LRMDA: variants seen among roughly 807,000 people sequenced by gnomAD.
LRMDA encodes leucine-rich melanocyte differentiation-associated protein.
LRMDA carries 18 observed loss-of-function variants against 29.8 expected under a neutral mutation model. The observed-to-expected ratio is 0.60, with a 90% CI of 0.42 to 0.90. The LOEUF is 0.90. LRMDA is among the 40% of genes least tolerant of loss of function. LRMDA has a pLI of 0.00. For synonymous variants in LRMDA, 125 were observed against 109.4 expected (o/e 1.14, Z -0.89); for missense variants, 273 against 273.9 (o/e 1.00, Z 0.02).
At chr10:75,642,236 G>A (rs562149485) in intron 2 of LRMDA, among the ~76,000 whole-genome samples, 2 of 152,304 alleles carry the variant, frequency 1.3e-5, no homozygotes, top group African/African-American at 2.4e-5. Context: ...TCATCTGTTT[G>A]AGCCTCAGTC....
At chr10:76,235,726 G>A (rs1392196225) in intron 5 of LRMDA, among the ~76,000 whole-genome samples, 1 of 152,184 alleles carries the variant, frequency 6.6e-6, no homozygotes, top group Non-Finnish European at 1.5e-5. Context: ...GGCTGGCAGG[G>A]ACATGAGTTT....
chr10:75,454,442 C>T (rs1844492528), intron 2 of LRMDA, among the ~76,000 whole-genome samples: 1 of 152,136 alleles, frequency 6.6e-6, no homozygotes, highest in South Asian at 2.1e-4. Flanking sequence ...TCCAAGTACT[C>T]AGCATGCCAA....
At chr10:75,931,983 TCAA>T (rs1174025198) in intron 2 of LRMDA, among the ~76,000 whole-genome samples, 3 of 152,208 alleles carry the variant, frequency 2.0e-5, no homozygotes, top group Non-Finnish European at 4.4e-5. Flanking sequence ...AGTGCCCAGC[TCAA>T]CAACAGAACC....
Position 75,826,107 on chromosome 10 carries a change from C to A in LRMDA, c.132-209901C>A, listed in dbSNP as rs375426379. On this transcript the variant is annotated intron_variant, in intron 2 of 6. Transcript: ENST00000611255. Reference sequence around the variant, plus strand: ...TTCTTATAACATAGGTGGAATTTGACCTCCTCAAAAATTATTAAGGGGTGA... The same window carrying A: ...TTCTTATAACATAGGTGGAATTTGAACTCCTCAAAAATTATTAAGGGGTGA... Among the ~76,000 whole-genome samples, 18 of 152,218 alleles carry A rather than the reference C, an allele frequency of 1.2e-4. No homozygotes were observed. The East Asian group carries it at 2.3e-3, about 20-fold the overall frequency.
At chr10:75,931,342 T>C (rs773709083) in intron 2 of LRMDA, among the ~76,000 whole-genome samples, 1 of 152,180 alleles carries the variant, frequency 6.6e-6, no homozygotes, top group Middle Eastern at 3.2e-3. Flanking sequence ...TGCCTGAACA[T>C]ATAAATAACT....
At chr10:76,398,525 A>G (rs967897405) in intron 6 of LRMDA, among the ~76,000 whole-genome samples, 1 of 152,232 alleles carries the variant, frequency 6.6e-6, no homozygotes, top group African/African-American at 2.4e-5. Context: ...TTTTTTGCTC[A>G]TACCAAAGTC....
chr10:76,175,434 C>T (rs1850916435), intron 5 of LRMDA, among the ~76,000 whole-genome samples: 1 of 152,196 alleles, frequency 6.6e-6, no homozygotes, highest in Non-Finnish European at 1.5e-5. Flanking sequence ...TGATGCCTGG[C>T]CCACTTTCAA....
At chr10:75,876,002 G>A (rs961081352) in intron 2 of LRMDA, among the ~76,000 whole-genome samples, 1 of 152,156 alleles carries the variant, frequency 6.6e-6, no homozygotes, top group African/African-American at 2.4e-5. Flanking sequence ...GGAGAGCAGT[G>A]ATTGGATCCT....
chr10:76,019,907 C>A (rs750102114), intron 2 of LRMDA, among the ~76,000 whole-genome samples: 1 of 152,138 alleles, frequency 6.6e-6, no homozygotes, highest in Non-Finnish European at 1.5e-5. Context: ...TGGGCCTGGG[C>A]TTCTGAATTT....
chr10:75,554,391 G>A (rs1001640245), intron 2 of LRMDA, among the ~76,000 whole-genome samples: 3 of 152,210 alleles, frequency 2.0e-5, no homozygotes, highest in African/African-American at 4.8e-5. Flanking sequence ...GGAACATGGT[G>A]TATGATAGTC....
intron 6 of LRMDA, among the ~76,000 whole-genome samples, chr10:76,333,348 G>C (rs544208166): frequency 6.6e-6 from 1 of 152,298 alleles, no homozygotes; most frequent in East Asian, 1.9e-4. Flanking sequence ...CTGGATTCAA[G>C]GAGGCCATGG....
At chr10:76,361,371 C>A (rs1238577840) in intron 6 of LRMDA, among the ~76,000 whole-genome samples, 1 of 152,034 alleles carries the variant, frequency 6.6e-6, no homozygotes. Flanking sequence ...ACAATGGTGA[C>A]CCCAGGACTC....
At chr10:76,287,455 G>C (rs2132342614) in intron 5 of LRMDA, among the ~76,000 whole-genome samples, 1 of 152,066 alleles carries the variant, frequency 6.6e-6, no homozygotes, top group South Asian at 2.1e-4. Flanking sequence ...ATTCATTATT[G>C]GTTTATTTTT....
At chr10:76,359,055 C>T (rs761847409) in intron 6 of LRMDA, among the ~76,000 whole-genome samples, 6 of 152,114 alleles carry the variant, frequency 3.9e-5, no homozygotes, top group Non-Finnish European at 8.8e-5. Flanking sequence ...CCAGCCCATC[C>T]ACTAGGGCTC....
At chr10:76,159,342 G>A (rs1222293516) in intron 5 of LRMDA, among the ~76,000 whole-genome samples, 1 of 152,142 alleles carries the variant, frequency 6.6e-6, no homozygotes, top group African/African-American at 2.4e-5. Context: ...ATACCACTGT[G>A]CACCTATTAG....
intron 6 of LRMDA, among the ~76,000 whole-genome samples, chr10:76,494,748 A>C (rs1199686588): frequency 1.3e-5 from 2 of 151,752 alleles, no homozygotes; most frequent in East Asian, 3.9e-4. Flanking sequence ...TAATGGTAAA[A>C]ATTTTGCTCT....
chr10:76,471,191 C>A (rs1842614110), intron 6 of LRMDA, among the ~76,000 whole-genome samples: 1 of 151,632 alleles, frequency 6.6e-6, no homozygotes, highest in South Asian at 2.1e-4. Flanking sequence ...TATATGCTTA[C>A]TCTCTTCTAT....
At chr10:75,860,593 G>T (rs1844911559) in intron 2 of LRMDA, among the ~76,000 whole-genome samples, 1 of 152,040 alleles carries the variant, frequency 6.6e-6, no homozygotes, top group Non-Finnish European at 1.5e-5. Context: ...AAGTGCCGGG[G>T]TTACAAGCAT....
chr10:76,539,766 G>A (rs1843332346), intron 6 of LRMDA, among the ~76,000 whole-genome samples: 1 of 152,116 alleles, frequency 6.6e-6, no homozygotes, highest in Admixed American at 6.6e-5. Flanking sequence ...GTGTGCCAGC[G>A]AGAGGCACAG....
Sources: gnomAD v4.1 joint callset for allele counts (sites outside exome capture counted in the v4.1 genomes callset) on GRCh38, gnomAD v4.1.1 for gene constraint, MANE v1.5 for transcripts, NCBI Gene and HGNC (gene_info 2026-07-23, HGNC 2026-07-21) for gene names.